Variants in DGKI observed in about 807,000 individuals in gnomAD.
The protein encoded by DGKI is diacylglycerol kinase iota.
In DGKI, 55 loss-of-function variants were observed where a neutral mutation model predicts 147.5. The observed-to-expected ratio is 0.37, with a 90% CI of 0.30 to 0.47. The LOEUF is 0.47. DGKI is among the 20% of genes least tolerant of loss of function. The pLI is 1.00. For missense variants in DGKI, 1,007 were observed against 1,323.8 expected, an observed-to-expected ratio of 0.76 and a Z score of 3.71; for synonymous variants, 469 against 477.1, an observed-to-expected ratio of 0.98 and a Z score of 0.22.
At chr7:137,472,394 ATAAT>A (rs1815007046) in intron 23 of DGKI, among the ~76,000 whole-genome samples, 2 of 101,824 alleles carry the variant, frequency 2.0e-5, no homozygotes, top group South Asian at 2.7e-4. Context: ...TATACATATT[ATAAT>A]TATTATATGT....
intron 23 of DGKI, 131 bp from the exon 24 acceptor site, chr7:137,469,750 G>C: frequency 1.6e-6 from 1 of 639,132 alleles, no homozygotes; most frequent in Non-Finnish European, 2.4e-6. Flanking sequence ...TTTTTCTCTA[G>C]GAACACAAAG....
chr7:137,429,154 A>G (rs1470930366), intron 28 of DGKI, among the ~76,000 whole-genome samples: 1 of 152,160 alleles, frequency 6.6e-6, no homozygotes, highest in Non-Finnish European at 1.5e-5. Context: ...TTCAAACTAT[A>G]CTACAAGCCT....
At chr7:137,477,584 T>A (rs1211336150) in intron 23 of DGKI, among the ~76,000 whole-genome samples, 1 of 152,234 alleles carries the variant, frequency 6.6e-6, no homozygotes, top group African/African-American at 2.4e-5. Flanking sequence ...GGTACATTAC[T>A]GTTAAAAATA....
intron 27 of DGKI, among the ~76,000 whole-genome samples, chr7:137,447,451 G>A (rs989168863): frequency 2.6e-5 from 4 of 152,196 alleles, no homozygotes; most frequent in African/African-American, 9.7e-5. Context: ...AGTATGAAAA[G>A]TGTGAAAGAA....
intron 10 of DGKI, among the ~76,000 whole-genome samples, chr7:137,600,596 T>C (rs536005528): frequency 8.5e-5 from 13 of 152,322 alleles, no homozygotes; most frequent in African/African-American, 2.6e-4. Context: ...AAAATCCATA[T>C]AGAAAAGTTA....
chr7:137,623,579 A>C (rs759201342), intron 6 of DGKI, 25 bp from the exon 7 acceptor site: 3 of 1,603,976 alleles, frequency 1.9e-6, no homozygotes, highest in Non-Finnish European at 2.6e-6. Flanking sequence ...CAAGAGACAG[A>C]TAATTTAAAA....
intron 1 of DGKI, among the ~76,000 whole-genome samples, chr7:137,789,139 G>T (rs1256238095): frequency 6.6e-6 from 1 of 152,092 alleles, no homozygotes; most frequent in Non-Finnish European, 1.5e-5. Context: ...TAAAAGAGTA[G>T]GTAGAAAACT....
intron 6 of DGKI, among the ~76,000 whole-genome samples, chr7:137,630,942 A>G (rs1246479810): frequency 2.0e-5 from 3 of 152,240 alleles, no homozygotes; most frequent in Non-Finnish European, 4.4e-5. Context: ...AAACTTACCA[A>G]TAAAAATTAT....
At chr7:137,465,418 A>C (rs1814615884) in intron 26 of DGKI, among the ~76,000 whole-genome samples, 1 of 152,246 alleles carries the variant, frequency 6.6e-6, no homozygotes. Context: ...AAATAAGCAC[A>C]GAGCACTTAA....
At chr7:137,406,004 GGAGA>G (rs1488599446) in intron 30 of DGKI, among the ~76,000 whole-genome samples, 2 of 152,112 alleles carry the variant, frequency 1.3e-5, no homozygotes, top group Non-Finnish European at 2.9e-5. Context: ...GGGGGGGTGT[GGAGA>G]GAGAGATTCC....
At chr7:137,406,955 A>C (rs1213240567) in intron 30 of DGKI, among the ~76,000 whole-genome samples, 1 of 127,568 alleles carries the variant, frequency 7.8e-6, no homozygotes, top group South Asian at 2.7e-4. Context: ...AAAAGGAGCA[A>C]AAAGGATGTG....
At chr7:137,804,477 TG>T (rs1797305658) in intron 1 of DGKI, among the ~76,000 whole-genome samples, 4 of 152,210 alleles carry the variant, frequency 2.6e-5, no homozygotes. Flanking sequence ...TTGACCCCTG[TG>T]CCCCCATTTA....
At chr7:137,690,681 C>T (rs1035837037) in intron 1 of DGKI, among the ~76,000 whole-genome samples, 11 of 152,058 alleles carry the variant, frequency 7.2e-5, no homozygotes, top group Non-Finnish European at 1.5e-4. Context: ...ACAGAATTCA[C>T]GTCAGAAAGG....
chr7:137,800,444 C>A (rs1053124038), intron 1 of DGKI, among the ~76,000 whole-genome samples: 1 of 152,140 alleles, frequency 6.6e-6, no homozygotes, highest in African/African-American at 2.4e-5. Flanking sequence ...CTACCTCCCC[C>A]CAACTCTCAG....
chr7:137,813,052 C>A (rs1167552998), intron 1 of DGKI, among the ~76,000 whole-genome samples: 1 of 152,166 alleles, frequency 6.6e-6, no homozygotes, highest in African/African-American at 2.4e-5. Flanking sequence ...AGTTGATATG[C>A]AACCAGAAGG....
intron 6 of DGKI, among the ~76,000 whole-genome samples, chr7:137,639,950 CA>C (rs1456706919): frequency 6.6e-6 from 1 of 151,748 alleles, no homozygotes; most frequent in African/African-American, 2.4e-5. Flanking sequence ...CAATCCATGA[CA>C]AAAGCATATC....
intron 1 of DGKI, among the ~76,000 whole-genome samples, chr7:137,721,727 C>A (rs1337686151): frequency 6.6e-6 from 1 of 152,256 alleles, no homozygotes; most frequent in Non-Finnish European, 1.5e-5. Context: ...CACAGCCTAC[C>A]AGGCCTATAC....
At chr7:137,586,148 C>A (rs1368521494) in intron 13 of DGKI, among the ~76,000 whole-genome samples, 1 of 151,936 alleles carries the variant, frequency 6.6e-6, no homozygotes, top group Non-Finnish European at 1.5e-5. Flanking sequence ...TGGTGGGGAC[C>A]AGGTGCAGTA....
At chr7:137,493,759 C>CA (rs1170479894) in intron 21 of DGKI, 4 of 701,628 alleles carry the variant, frequency 5.7e-6, no homozygotes, top group Non-Finnish European at 1.0e-5. Context: ...TCTGGCAACT[C>CA]AAAAAGCCAG....
Sources: gnomAD v4.1 joint callset for allele counts (sites outside exome capture counted in the v4.1 genomes callset) on GRCh38, gnomAD v4.1.1 for gene constraint, MANE v1.5 for transcripts, NCBI Gene and HGNC (gene_info 2026-07-23, HGNC 2026-07-21) for gene names.